GCNT2: variants seen among roughly 807,000 people sequenced by gnomAD.
The protein encoded by GCNT2 is N-acetyllactosaminide beta-1,6-N-acetylglucosaminyl-transferase.
A neutral mutation model predicts 34.2 loss-of-function variants in GCNT2; 34 were observed. The ratio of observed to expected loss-of-function variants is 1.00; its 90% CI spans 0.76 to 1.32. GCNT2 has a LOEUF of 1.32. Ranked by LOEUF, GCNT2 falls within the 40% of genes most tolerant of loss-of-function variation. The pLI is 0.00. For synonymous variants in GCNT2, 212 were observed against 188.0 expected (o/e 1.13, Z -1.04); for missense variants, 584 against 489.4 (o/e 1.19, Z -1.82).
intron 4 of GCNT2, among the ~76,000 whole-genome samples, chr6:10,624,906 T>G (rs1766192443): frequency 6.6e-6 from 1 of 152,210 alleles, no homozygotes; most frequent in Admixed American, 6.5e-5. Flanking sequence ...CTGTACTCAT[T>G]GCCCCTATCT....
At chr6:10,604,374 T>C (rs1364295592) in intron 3 of GCNT2, among the ~76,000 whole-genome samples, 1 of 152,086 alleles carries the variant, frequency 6.6e-6, no homozygotes. Flanking sequence ...ACTCACAAGG[T>C]AAATATGCCA....
chr6:10,569,944 CCTT>C (rs1464997800), intron 3 of GCNT2, among the ~76,000 whole-genome samples: 2 of 90,392 alleles, frequency 2.2e-5, no homozygotes, highest in East Asian at 6.8e-4. Context: ...TTCCTTCCTT[CCTT>C]CTTCCTTCCT....
chr6:10,628,653 G>A lies in GCNT2; in HGVS notation c.*2046G>A, dbSNP rs994222565. The A allele has an allele frequency of 6.6e-6, 1 of 152,232 alleles. No individual in the cohort carries two copies. The highest frequency in any genetic ancestry group is 6.5e-5 in the Admixed American group (1 of 15,278). The allele number at this position is 152,232 out of a possible 1,614,324, so 9.4% of individuals were successfully genotyped here. On this transcript the variant is annotated 3_prime_UTR_variant, in exon 5 of 5. Coordinates refer to ENST00000495262, the MANE Select transcript of GCNT2 (RefSeq NM_145649.5). ...CCTCAATGTGATGGTATTTGAGATG[G>A]GGCCTTTGGTAAGGGAAGTTTAGAT...
chr6:10,560,011 A>G (rs2113678415), intron 3 of GCNT2, among the ~76,000 whole-genome samples: 1 of 152,326 alleles, frequency 6.6e-6, no homozygotes, highest in Admixed American at 6.5e-5. Flanking sequence ...ATGGTTTTAC[A>G]CTTGAGCATT....
At chr6:10,590,397 CAAAA>C (rs35949177) in intron 3 of GCNT2, among the ~76,000 whole-genome samples, 1 of 112,902 alleles carries the variant, frequency 8.9e-6, no homozygotes, top group Non-Finnish European at 1.9e-5. Flanking sequence ...GACTCTGTCT[CAAAA>C]AAAAAAAAAA....
chr6:10,547,112 A>G (rs549577333), intron 3 of GCNT2, among the ~76,000 whole-genome samples: 82 of 152,306 alleles, frequency 5.4e-4, no homozygotes, highest in African/African-American at 1.8e-3. Context: ...CCTTTTATCC[A>G]TATTTCCCAA....
At chr6:10,531,621 A>AT (rs1479563108) in intron 3 of GCNT2, among the ~76,000 whole-genome samples, 6 of 152,134 alleles carry the variant, frequency 3.9e-5, no homozygotes, top group African/African-American at 1.2e-4. Context: ...TAAGTCTGTG[A>AT]TTTTCTCAGA....
At position 10,627,710 on chromosome 6, in the gene GCNT2, A is replaced by C. The variant is rs1444944555; in HGVS notation, c.*1103A>C. On this transcript the variant is annotated 3_prime_UTR_variant, in exon 5 of 5. Transcript: ENST00000495262. Reference sequence around the variant, plus strand: ...GGAAACATAAGAGCTTTTTCACTCTAAAAATCTTGGCAATAATGTCAACAC... The same window carrying C: ...GGAAACATAAGAGCTTTTTCACTCTCAAAATCTTGGCAATAATGTCAACAC... 2 of 152,352 alleles carry C rather than the reference A, an allele frequency of 1.3e-5. No individual in the cohort carries two copies. Among genetic ancestry groups the C allele is most frequent in the African/African-American group, 2.4e-5 (1 of 41,584 alleles). 9.4% of individuals were successfully genotyped at this position (152,352 alleles called of 1,614,324 possible).
chr6:10,572,754 A>G (rs9784801), intron 3 of GCNT2, among the ~76,000 whole-genome samples: 7,764 of 152,276 alleles, frequency 0.051, 601 homozygotes, highest in African/African-American at 0.17. Flanking sequence ...AAAAATAAAA[A>G]TAAAAAATAA....
At chr6:10,542,893 CTTTTTTTTTTT>C (rs869251646) in intron 3 of GCNT2, among the ~76,000 whole-genome samples, 1 of 82,260 alleles carries the variant, frequency 1.2e-5, no homozygotes, top group Non-Finnish European at 2.3e-5. Context: ...TATGTTAATT[CTTTTTTTTTTT>C]TTTTTTTTTT....
At chr6:10,615,856 G>A (rs1435927879) in intron 3 of GCNT2, among the ~76,000 whole-genome samples, 1 of 152,210 alleles carries the variant, frequency 6.6e-6, no homozygotes, top group African/African-American at 2.4e-5. Context: ...GTAGCAGGAC[G>A]ACCAGAGATT....
intron 3 of GCNT2, among the ~76,000 whole-genome samples, 192 bp from the exon 4 acceptor site, chr6:10,621,159 C>CTA (rs1171331722): frequency 2.0e-5 from 3 of 152,224 alleles, no homozygotes; most frequent in Admixed American, 2.0e-4. Context: ...GATGAGTCAA[C>CTA]AACTAAAATT....
chr6:10,544,305 C>CT (rs1322351161), intron 3 of GCNT2, among the ~76,000 whole-genome samples: 1 of 149,156 alleles, frequency 6.7e-6, no homozygotes, highest in Non-Finnish European at 1.5e-5. Flanking sequence ...CAGCAAGACT[C>CT]TGTCTCAAAA....
intron 3 of GCNT2, among the ~76,000 whole-genome samples, chr6:10,557,691 A>G (rs3778162): frequency 0.26 from 39,866 of 151,868 alleles, 5,402 homozygotes; most frequent in African/African-American, 0.31. Context: ...GGGTCTCGCT[A>G]TGTTGCCCAG....
At chr6:10,607,816 T>A (rs1765389719) in intron 3 of GCNT2, among the ~76,000 whole-genome samples, 1 of 152,204 alleles carries the variant, frequency 6.6e-6, no homozygotes, top group South Asian at 2.1e-4. Flanking sequence ...GTATATTATG[T>A]ACTTCACAAT....
chr6:10,556,963 C>G (rs769030276), intron 3 of GCNT2: 2 of 1,614,016 alleles, frequency 1.2e-6, no homozygotes, highest in East Asian at 2.2e-5. Flanking sequence ...CCTTCGAGGT[C>G]TCATGGAAGT....
At chr6:10,617,914 C>T (rs1765863275) in intron 3 of GCNT2, among the ~76,000 whole-genome samples, 1 of 151,888 alleles carries the variant, frequency 6.6e-6, no homozygotes, top group African/African-American at 2.4e-5. Context: ...GCCATCACAC[C>T]CGGCTAATTT....
Position 10,529,197 on chromosome 6 carries a change from CCTTTAG to C in GCNT2, c.290_295del (p.Leu97_Ala98del). 6.2e-7 allele frequency: 1 copy of C among 1,614,158 alleles called. No homozygotes were observed. Among genetic ancestry groups the C allele is most frequent in the Non-Finnish European group, 8.5e-7 (1 of 1,180,026 alleles). ...ACTCTCTGAAGAAGAGGCTGGGTTC[CCTTTAG>C]CTTACACAGTGACCATCCACAAAGA... On this transcript the variant is annotated inframe_deletion, in exon 3 of 5. Transcript: ENST00000495262.
intron 1 of GCNT2, among the ~76,000 whole-genome samples, chr6:10,525,029 A>G (rs1418997802): frequency 1.3e-5 from 2 of 152,042 alleles, no homozygotes; most frequent in Non-Finnish European, 2.9e-5. Context: ...GGTAAAATGA[A>G]TATGTGAAAA....
Sources: allele counts gnomAD v4.1 joint callset (sites outside exome capture counted in the v4.1 genomes callset), GRCh38; gene constraint gnomAD v4.1.1; transcripts MANE v1.5; gene names NCBI Gene and HGNC (gene_info 2026-07-23, HGNC 2026-07-21).